The following ADARB2 variants were observed in gnomAD, a reference collection of about 807,000 sequenced individuals.
The protein encoded by ADARB2 is adenosine deaminase RNA specific B2 (inactive).
Under a neutral mutation model 62.2 loss-of-function variants are expected in ADARB2, and 25 were observed. The observed-to-expected ratio is 0.40, with a 90% CI of 0.29 to 0.56. The LOEUF (loss-of-function observed/expected upper bound fraction) is 0.56. Among genes scored for constraint, ADARB2 ranks in the 20% least tolerant of loss-of-function variants. ADARB2 has a pLI of 0.43. For missense variants in ADARB2, 1,071 were observed against 1,077.4 expected, an observed-to-expected ratio of 0.99 and a Z score of 0.08; for synonymous variants, 572 against 500.8, an observed-to-expected ratio of 1.14 and a Z score of -1.90.
chr10:1,393,332 TCC>T (rs1564277980), intron 1 of ADARB2, among the ~76,000 whole-genome samples: 1 of 152,204 alleles, frequency 6.6e-6, no homozygotes, highest in Non-Finnish European at 1.5e-5. Context: ...GTGGTATCCA[TCC>T]CCTCAAGCAT....
chr10:1,481,053 C>T (rs1032864573), intron 1 of ADARB2, among the ~76,000 whole-genome samples: 1 of 152,170 alleles, frequency 6.6e-6, no homozygotes. Flanking sequence ...CCTGACTTCA[C>T]TTCCTGACTT....
chr10:1,356,174 G>C (rs963623110), intron 3 of ADARB2, among the ~76,000 whole-genome samples: 1 of 152,174 alleles, frequency 6.6e-6, no homozygotes, highest in Admixed American at 6.5e-5. Context: ...GGGATGGCTG[G>C]ATCTGCAGGA....
intron 1 of ADARB2, among the ~76,000 whole-genome samples, chr10:1,532,121 C>A (rs1832251580): frequency 6.6e-6 from 1 of 152,120 alleles, no homozygotes; most frequent in Non-Finnish European, 1.5e-5. Context: ...GTGCTGCCTG[C>A]AGGTGTTTTC....
intron 1 of ADARB2, among the ~76,000 whole-genome samples, chr10:1,584,983 T>C (rs1833154994): frequency 6.6e-6 from 1 of 152,042 alleles, no homozygotes; most frequent in East Asian, 1.9e-4. Context: ...ACATGGGATT[T>C]GGGACAGAAA....
At chr10:1,186,761 C>T (rs1434472030) in intron 8 of ADARB2, among the ~76,000 whole-genome samples, 1 of 152,222 alleles carries the variant, frequency 6.6e-6, no homozygotes, top group African/African-American at 2.4e-5. Context: ...CCTGGGAAGC[C>T]ACTGGCTATT....
At chr10:1,607,852 G>C (rs966805788) in intron 1 of ADARB2, among the ~76,000 whole-genome samples, 3 of 152,196 alleles carry the variant, frequency 2.0e-5, no homozygotes, top group Admixed American at 1.3e-4. Flanking sequence ...GGTCCTCCAG[G>C]CCTCGCATGA....
intron 1 of ADARB2, among the ~76,000 whole-genome samples, chr10:1,529,190 G>GTCCATGCACCATC (rs1832188265): frequency 6.5e-5 from 4 of 61,972 alleles, no homozygotes; most frequent in African/African-American, 9.4e-5. Context: ...CACGCACCAT[G>GTCCATGCACCATC]CCCAACACCA....
At chr10:1,313,715 T>A (rs2001601) in intron 3 of ADARB2, among the ~76,000 whole-genome samples, 3,538 of 152,202 alleles carry the variant, frequency 0.023, 146 homozygotes, top group African/African-American at 0.08. Context: ...ACCACAGAGA[T>A]GACACCTGCA....
At chr10:1,512,624 C>G (rs1831950610) in intron 1 of ADARB2, among the ~76,000 whole-genome samples, 1 of 152,228 alleles carries the variant, frequency 6.6e-6, no homozygotes, top group South Asian at 2.1e-4. Flanking sequence ...GATGCAAATT[C>G]AAGAGCACAT....
At chr10:1,510,150 TTC>T (rs796244090) in intron 1 of ADARB2, among the ~76,000 whole-genome samples, 6 of 143,286 alleles carry the variant, frequency 4.2e-5, no homozygotes, top group African/African-American at 5.4e-5. Flanking sequence ...CTTTCTTTCT[TTC>T]TTTCTTTCTT....
intron 8 of ADARB2, among the ~76,000 whole-genome samples, chr10:1,192,630 CT>C (rs377767180): frequency 1.3e-5 from 2 of 152,344 alleles, no homozygotes; most frequent in African/African-American, 4.8e-5. Context: ...ACAGCTGGTT[CT>C]TTCTGCTGTG....
chr10:1,217,153 A>T (rs200777134), intron 6 of ADARB2, 34 bp from the exon 7 acceptor site: 3 of 1,521,740 alleles, frequency 2.0e-6, no homozygotes, highest in Non-Finnish European at 2.7e-6. Context: ...GGGTGAGAAG[A>T]GGGAAGCCGC....
At chr10:1,460,525 G>A (rs12783454) in intron 1 of ADARB2, among the ~76,000 whole-genome samples, 12 of 34,132 alleles carry the variant, frequency 3.5e-4, no homozygotes, top group Admixed American at 8.7e-4. Flanking sequence ...CCTGCGTAAC[G>A]AACCTGCCTG....
intron 1 of ADARB2, among the ~76,000 whole-genome samples, chr10:1,436,741 A>G (rs1470344727): frequency 6.6e-6 from 1 of 152,210 alleles, no homozygotes; most frequent in Non-Finnish European, 1.5e-5. Flanking sequence ...TTTCATTTAA[A>G]TAAAAAAGTC....
chr10:1,357,859 C>T (rs1832211230), intron 3 of ADARB2, among the ~76,000 whole-genome samples: 2 of 152,206 alleles, frequency 1.3e-5, no homozygotes, highest in Non-Finnish European at 2.9e-5. Flanking sequence ...AAAACTGAGC[C>T]ACAGACATGT....
At chr10:1,591,201 G>A (rs1482252554) in intron 1 of ADARB2, among the ~76,000 whole-genome samples, 3 of 152,208 alleles carry the variant, frequency 2.0e-5, no homozygotes, top group East Asian at 1.9e-4. Context: ...TTTGATGGGT[G>A]TGGGTGGGAG....
intron 8 of ADARB2, among the ~76,000 whole-genome samples, chr10:1,190,305 C>G (rs1202130095): frequency 1.3e-5 from 2 of 150,850 alleles, no homozygotes; most frequent in Non-Finnish European, 2.9e-5. Flanking sequence ...GGCCAAAATT[C>G]CTGTGAACCT....
At chr10:1,433,445 G>A (rs1414668779) in intron 1 of ADARB2, among the ~76,000 whole-genome samples, 1 of 152,218 alleles carries the variant, frequency 6.6e-6, no homozygotes, top group Non-Finnish European at 1.5e-5. Flanking sequence ...ATTAAAACGT[G>A]TGGATAAGCT....
In ADARB2 at chr10:1,696,120, T is replaced by C. The variant is rs535229327; in HGVS notation, c.100+40931A>G. Among the ~76,000 whole-genome samples the C allele has an allele frequency of 2.6e-5, 4 of 152,164 alleles. No homozygotes were observed. The South Asian group carries it at 8.3e-4, about 32-fold the overall frequency. ...GCATATATGCACACACATGTCCATG[T>C]TTGCATGTAGTATCACACATGTATA... On this transcript the variant is annotated intron_variant, in intron 1 of 9. Coordinates refer to ENST00000381312, the MANE Select transcript of ADARB2 (RefSeq NM_018702.4).
Sources: allele counts gnomAD v4.1 joint callset (sites outside exome capture counted in the v4.1 genomes callset), GRCh38; gene constraint gnomAD v4.1.1; transcripts MANE v1.5; gene names NCBI Gene and HGNC (gene_info 2026-07-23, HGNC 2026-07-21).